The following PPFIA1 variants were observed in gnomAD, a reference collection of about 807,000 sequenced individuals.
The protein encoded by PPFIA1 is PPFI scaffold protein A1, also known as liprin-alpha-1.
Under a neutral mutation model 149.9 loss-of-function variants are expected in PPFIA1, and 25 were observed. That is an observed-to-expected ratio of 0.17 (90% CI 0.12 to 0.23). PPFIA1 has a LOEUF of 0.23. Ranked by LOEUF, PPFIA1 falls within the 10% of genes least tolerant of loss-of-function variation. The pLI is 1.00. For missense variants in PPFIA1, 1,362 were observed against 1,506.5 expected (o/e 0.90, Z 1.59); for synonymous variants, 549 against 552.8 (o/e 0.99, Z 0.10).
chr11:70,361,987 C>T (rs1351519664), intron 19 of PPFIA1, 108 bp from the exon 20 acceptor site: 5 of 1,002,048 alleles, frequency 5.0e-6, no homozygotes, highest in East Asian at 2.4e-5. Context: ...TCTTGAACTC[C>T]TGGGCTCAAG....
At chr11:70,355,558 C>T in intron 17 of PPFIA1, 81 bp from the exon 18 acceptor site, 1 of 1,313,736 alleles carries the variant, frequency 7.6e-7, no homozygotes. Context: ...ACTGGAAGTG[C>T]TTGTAGGGAA....
intron 21 of PPFIA1, chr11:70,364,479 T>C (rs951134424): frequency 6.6e-6 from 1 of 152,228 alleles, no homozygotes; most frequent in Non-Finnish European, 1.5e-5. Context: ...CTTGTTGCAA[T>C]GAAGAGCCTC....
At position 70,270,881 on chromosome 11, in the gene PPFIA1, G is replaced by C. The variant is rs1235346577; in HGVS notation, c.-34G>C. 6.6e-6 allele frequency: 1 copy of C among 150,856 alleles called. No homozygotes were observed. The highest frequency in any genetic ancestry group is 1.5e-5 in the Non-Finnish European group (1 of 67,538). 9.3% of individuals were successfully genotyped at this position (150,856 alleles called of 1,614,324 possible). On this transcript the variant is annotated 5_prime_UTR_variant, in exon 1 of 28. Coordinates refer to ENST00000253925, the MANE Select transcript of PPFIA1 (RefSeq NM_003626.5). ...CGAGCAGCCGCCCGCGAGCCGCCGC[G>C]GAGCCTCCTCGCCCGCTCCCGCCGG...
chr11:70,344,783 A>G (rs12279239), intron 15 of PPFIA1, among the ~76,000 whole-genome samples: 2,331 of 152,336 alleles, frequency 0.015, 58 homozygotes, highest in African/African-American at 0.054. Context: ...CCCAGAGGAC[A>G]CAAACAGTCG....
intron 15 of PPFIA1, chr11:70,346,074 A>G (rs1427894855): frequency 2.7e-6 from 1 of 370,892 alleles, no homozygotes; most frequent in Non-Finnish European, 5.5e-6. Context: ...TAGCAGTTAT[A>G]ATGCAGAACT....
intron 21 of PPFIA1, among the ~76,000 whole-genome samples, chr11:70,370,958 C>T (rs565944459): frequency 6.6e-6 from 1 of 152,182 alleles, no homozygotes; most frequent in South Asian, 2.1e-4. Context: ...CATGTTGAAA[C>T]CCCGTCTGTA....
At chr11:70,324,567 G>A in intron 3 of PPFIA1, 64 bp downstream of exon 3, 1 of 1,376,938 alleles carries the variant, frequency 7.3e-7, no homozygotes, top group South Asian at 1.2e-5. Flanking sequence ...GGGGCGGTGT[G>A]TCAAAACGAA....
At chr11:70,357,275 A>G (rs559003057) in intron 19 of PPFIA1, among the ~76,000 whole-genome samples, 6 of 152,096 alleles carry the variant, frequency 3.9e-5, no homozygotes, top group Non-Finnish European at 8.8e-5. Flanking sequence ...GCCCTGAGAA[A>G]CCAGTGCTCA....
Position 70,338,443 on chromosome 11 carries a change from C to G in PPFIA1, c.1561C>G (p.Leu521Val), listed in dbSNP as rs754137054. 1 of 1,609,728 alleles carries G rather than the reference C, an allele frequency of 6.2e-7. No homozygotes were observed. The highest frequency in any genetic ancestry group is 1.7e-5 in the Admixed American group (1 of 60,022). ...LDHMRLRGAS[L>V]HHGRPHLGSV... ...CCACATGAGACTAAGAGGTGCTTCACTTCATCATGGGTATGGTATTAACCA... is the reference window on the plus strand; with the variant it reads ...CCACATGAGACTAAGAGGTGCTTCAGTTCATCATGGGTATGGTATTAACCA... The change falls in exon 13 of 28, where the codon CTT becomes GTT. Residue 521 changes from leucine to valine, a missense_variant. Physicochemically the swap from Leu to Val is conservative, Grantham distance 32. This residue lies in a region of PPFIA1 where 733 missense variants were observed against 744.1 expected (regional missense o/e 0.99). Coordinates refer to ENST00000253925, the MANE Select transcript of PPFIA1 (RefSeq NM_003626.5).
intron 25 of PPFIA1, 33 bp downstream of exon 25, chr11:70,376,633 T>G: frequency 6.7e-7 from 1 of 1,492,590 alleles, no homozygotes; most frequent in Non-Finnish European, 9.4e-7. Flanking sequence ...TTTAAATGTC[T>G]GAAATGTGTG....
chr11:70,373,348 C>T (rs1227267187), intron 23 of PPFIA1: 1 of 152,488 alleles, frequency 6.6e-6, no homozygotes, highest in African/African-American at 2.4e-5. Context: ...CTGCCTTAGC[C>T]TCCCTAGTAG....
chr11:70,340,584 A>G (rs1490145486), intron 14 of PPFIA1, among the ~76,000 whole-genome samples: 2 of 152,090 alleles, frequency 1.3e-5, no homozygotes, highest in African/African-American at 4.8e-5. Context: ...CCCCATCGTC[A>G]CTCAACAGCT....
chr11:70,343,880 A>T lies in PPFIA1; in HGVS notation c.1919A>T (p.Asn640Ile), dbSNP rs753916364. 9.3e-6 allele frequency: 15 copies of T among 1,613,408 alleles called. No homozygotes were observed. The Admixed American group carries it at 2.0e-4, about 22-fold the overall frequency. ...MMLQEQLDAI[N>I]KEIRLIQEEK... ...CTTCAGGAGCAGCTGGACGCCATCA[A>T]CAAAGAGATCAGGTGTGTGCAACCG... The change falls in exon 15 of 28, where the codon AAC becomes ATC. Residue 640 changes from asparagine (N) to isoleucine (I), a missense_variant. This residue lies in a region of PPFIA1 where 733 missense variants were observed against 744.1 expected (regional missense o/e 0.99). Transcript: ENST00000253925.
At chr11:70,274,142 A>T (rs545201737) in intron 2 of PPFIA1, among the ~76,000 whole-genome samples, 1 of 152,290 alleles carries the variant, frequency 6.6e-6, no homozygotes, top group East Asian at 1.9e-4. Context: ...TATTAAGTAA[A>T]CTTGTTTTGG....
chr11:70,279,706 T>C (rs1393915177), intron 2 of PPFIA1, among the ~76,000 whole-genome samples: 2 of 149,454 alleles, frequency 1.3e-5, no homozygotes, highest in Admixed American at 1.3e-4. Context: ...CTAGACCTTT[T>C]CTGTGTATGT....
chr11:70,306,188 G>A (rs532219504), intron 2 of PPFIA1, among the ~76,000 whole-genome samples: 3 of 151,802 alleles, frequency 2.0e-5, no homozygotes, highest in South Asian at 2.1e-4. Flanking sequence ...AATCTTAATC[G>A]TCAATGGAGA....
At chr11:70,337,849 C>T (rs984578220) in intron 12 of PPFIA1, among the ~76,000 whole-genome samples, 1 of 152,098 alleles carries the variant, frequency 6.6e-6, no homozygotes, top group Non-Finnish European at 1.5e-5. Context: ...AGCTACTTTG[C>T]GTTCTTTTTC....
Position 70,308,152 on chromosome 11 carries a change from G to A in PPFIA1, c.265-16250G>A, listed in dbSNP as rs545555922. ...CAACCTTCGCCTCCTGGGATCAAGCGATTCTCCTCTGTCAGCCTCCTGAGT... is the reference window on the plus strand; with the variant it reads ...CAACCTTCGCCTCCTGGGATCAAGCAATTCTCCTCTGTCAGCCTCCTGAGT... On this transcript the variant is annotated intron_variant, in intron 2 of 27. Transcript: ENST00000253925. Among the ~76,000 whole-genome samples, 11 of 152,314 alleles carry A rather than the reference G, an allele frequency of 7.2e-5. 1 individual carries two copies. In the South Asian group the frequency reaches 2.3e-3, roughly 32 times the overall value.
At chr11:70,283,000 C>T (rs1218259841) in intron 2 of PPFIA1, among the ~76,000 whole-genome samples, 1 of 151,332 alleles carries the variant, frequency 6.6e-6, no homozygotes, top group Non-Finnish European at 1.5e-5. Flanking sequence ...TCACCATGCC[C>T]GGCTGATTTT....
Sources: allele counts gnomAD v4.1 joint callset (sites outside exome capture counted in the v4.1 genomes callset), GRCh38; gene constraint gnomAD v4.1.1; regional missense constraint gnomAD v4.1.1; transcripts MANE v1.5; gene names NCBI Gene and HGNC (gene_info 2026-07-23, HGNC 2026-07-21).